Variants in DNAH11 observed in about 807,000 individuals in gnomAD.
The protein encoded by DNAH11 is axonemal beta dynein heavy chain 11.
A neutral mutation model predicts 526.0 loss-of-function variants in DNAH11; 442 were observed. That is an observed-to-expected ratio of 0.84 (90% confidence interval 0.78 to 0.91). DNAH11 has a LOEUF of 0.91. Ranked by LOEUF, DNAH11 falls within the 40% of genes least tolerant of loss-of-function variation. The pLI is 0.00. For missense variants in DNAH11, 6,989 were observed against 5,448.7 expected (o/e 1.28, Z -8.90); for synonymous variants, 2,461 against 1,935.9 (o/e 1.27, Z -7.12).
intron 35 of DNAH11, among the ~76,000 whole-genome samples, chr7:21,692,681 G>C (rs1042919658): frequency 5.3e-5 from 8 of 152,170 alleles, no homozygotes; most frequent in African/African-American, 1.9e-4. Context: ...CTTTGGGACA[G>C]ATATCTATGG....
At chr7:21,621,311 G>A (rs532961664) in intron 25 of DNAH11, among the ~76,000 whole-genome samples, 23 of 152,268 alleles carry the variant, frequency 1.5e-4, no homozygotes, top group South Asian at 1.2e-3. Flanking sequence ...AACAGGCTCC[G>A]AAATTGTGGC....
rs775391478 is a variant in DNAH11 at position 21,864,560 on chromosome 7, A to G, written c.11399A>G (p.Asp3800Gly). 6 of 1,610,888 alleles carry G rather than the reference A, an allele frequency of 3.7e-6. No individual in the cohort carries two copies. Among genetic ancestry groups the G allele is most frequent in the Non-Finnish European group, 5.1e-6 (6 of 1,178,476 alleles). Residue 3800 changes from aspartate (D) to glycine (G), a missense_variant, in exon 70 of 82, where the codon GAC becomes GGC. Coordinates refer to ENST00000409508, the MANE Select transcript of DNAH11 (RefSeq NM_001277115.2). ...FQILLRKKEIDPLELDFLLRF... is the reference protein window; with the variant it reads ...FQILLRKKEIGPLELDFLLRF... ...ATTTTGTTGAGAAAGAAAGAGATAG[A>G]CCCTCTTGAATTGGATTTCCTGCTT... is the stretch of plus-strand genomic sequence containing the variant.
chr7:21,568,973 C>A (rs1337467956), intron 6 of DNAH11, among the ~76,000 whole-genome samples: 1 of 152,166 alleles, frequency 6.6e-6, no homozygotes, highest in African/African-American at 2.4e-5. Flanking sequence ...TTATAGCACC[C>A]TCATGTGGAG....
chr7:21,789,078 C>T (rs149810004), intron 60 of DNAH11, among the ~76,000 whole-genome samples, 163 bp from the exon 61 acceptor site: 2 of 151,974 alleles, frequency 1.3e-5, no homozygotes, highest in East Asian at 3.9e-4. Context: ...CCTTTGAGCC[C>T]CAGAGTTTAA....
At chr7:21,767,307 G>A (rs1426188181) in intron 55 of DNAH11, among the ~76,000 whole-genome samples, 1 of 152,186 alleles carries the variant, frequency 6.6e-6, no homozygotes, top group African/African-American at 2.4e-5. Flanking sequence ...CAAATGGTAG[G>A]AAATTAGAGC....
At chr7:21,818,401 C>G (rs1206336630) in intron 65 of DNAH11, 62 bp downstream of exon 65, 2 of 1,548,498 alleles carry the variant, frequency 1.3e-6, no homozygotes, top group African/African-American at 2.8e-5. Context: ...AGCAGCATCT[C>G]TTAGCTTCAT....
At chr7:21,553,531 A>G (rs3924028) in intron 2 of DNAH11, among the ~76,000 whole-genome samples, 17,744 of 152,116 alleles carry the variant, frequency 0.12, 2,084 homozygotes, top group East Asian at 0.37. Context: ...TTTATTCAGG[A>G]TTCCTGGTGG....
intron 5 of DNAH11, among the ~76,000 whole-genome samples, chr7:21,562,806 A>C (rs765765993): frequency 1.3e-5 from 2 of 152,330 alleles, no homozygotes; most frequent in South Asian, 2.1e-4. Context: ...ATTCCTGAAC[A>C]TTCTTTTTAT....
chr7:21,893,945 G>T (rs1281586322), intron 77 of DNAH11, among the ~76,000 whole-genome samples: 1 of 152,180 alleles, frequency 6.6e-6, no homozygotes, highest in Non-Finnish European at 1.5e-5. Flanking sequence ...CTGGAATGCA[G>T]TGGCACCATC....
At chr7:21,727,088 C>T (rs1307194322) in intron 45 of DNAH11, among the ~76,000 whole-genome samples, 1 of 150,556 alleles carries the variant, frequency 6.6e-6, no homozygotes, top group East Asian at 2.0e-4. Context: ...TGCCCGCCAC[C>T]ACGCCCGGCT....
At chr7:21,737,686 C>T (rs1303310845) in intron 46 of DNAH11, among the ~76,000 whole-genome samples, 1 of 152,210 alleles carries the variant, frequency 6.6e-6, no homozygotes, top group Non-Finnish European at 1.5e-5. Flanking sequence ...GTTGGACAAA[C>T]ATGGGACCAG....
intron 65 of DNAH11, among the ~76,000 whole-genome samples, chr7:21,830,058 G>C (rs546064505): frequency 6.6e-6 from 1 of 152,282 alleles, no homozygotes; most frequent in South Asian, 2.1e-4. Context: ...AATAAACATT[G>C]AAAGCATTTT....
At chr7:21,647,390 C>A in intron 28 of DNAH11, among the ~76,000 whole-genome samples, 1 of 149,826 alleles carries the variant, frequency 6.7e-6, no homozygotes, top group African/African-American at 2.4e-5. Flanking sequence ...GGAAACAAAG[C>A]AAGTAAGCAG....
chr7:21,804,822 A>G (rs1345539149), intron 62 of DNAH11, among the ~76,000 whole-genome samples: 1 of 152,106 alleles, frequency 6.6e-6, no homozygotes, highest in South Asian at 2.1e-4. Context: ...ACTTAAGTAC[A>G]TTCACATCAC....
chr7:21,614,992 A>C, intron 20 of DNAH11, 122 bp from the exon 21 acceptor site: 2 of 1,185,654 alleles, frequency 1.7e-6, no homozygotes, highest in Non-Finnish European at 2.3e-6. Flanking sequence ...TACGCTGCAG[A>C]TTTATTTTTA....
At chr7:21,588,018 T>TA in intron 9 of DNAH11, 46 bp from the exon 10 acceptor site, 2 of 1,589,718 alleles carry the variant, frequency 1.3e-6, no homozygotes, top group Non-Finnish European at 1.7e-6. Flanking sequence ...GAGTATTTGT[T>TA]AAAAACTCAT....
At chr7:21,563,873 A>C (rs906578981) in intron 5 of DNAH11, among the ~76,000 whole-genome samples, 3 of 152,184 alleles carry the variant, frequency 2.0e-5, no homozygotes, top group Non-Finnish European at 4.4e-5. Context: ...TTATTCCGAC[A>C]GTTTCCACAG....
intron 35 of DNAH11, among the ~76,000 whole-genome samples, chr7:21,693,181 T>C (rs1783701035): frequency 1.3e-5 from 2 of 152,252 alleles, no homozygotes; most frequent in Admixed American, 6.5e-5. Flanking sequence ...CAAAAATTTT[T>C]AACTATGTTT....
chr7:21,637,166 C>G (rs576173629), intron 26 of DNAH11, among the ~76,000 whole-genome samples: 1 of 152,018 alleles, frequency 6.6e-6, no homozygotes, highest in South Asian at 2.1e-4. Flanking sequence ...ATTCTGGGCG[C>G]TCTCTCATTC....
Sources: allele counts gnomAD v4.1 joint callset (sites outside exome capture counted in the v4.1 genomes callset), GRCh38; gene constraint gnomAD v4.1.1; transcripts MANE v1.5; gene names NCBI Gene and HGNC (gene_info 2026-07-23, HGNC 2026-07-21).